The following MLST8 variants were observed in gnomAD, a reference collection of about 807,000 sequenced individuals.
MLST8 encodes target of rapamycin complex subunit LST8.
In MLST8, 20 loss-of-function variants were observed where a neutral mutation model predicts 41.3. The observed-to-expected ratio is 0.48, with a 90% CI of 0.34 to 0.70. The LOEUF (loss-of-function observed/expected upper bound fraction) is 0.70. MLST8 is among the 30% of genes least tolerant of loss of function. The pLI is 0.01. For synonymous variants in MLST8, 243 were observed against 183.0 expected (o/e 1.33, Z -2.65); for missense variants, 422 against 454.3 (o/e 0.93, Z 0.65).
At chr16:2,205,966 T>C (rs2141356710) in intron 1 of MLST8, 65 bp from the exon 2 acceptor site, 2 of 1,470,584 alleles carry the variant, frequency 1.4e-6, no homozygotes, top group Middle Eastern at 1.8e-4. Flanking sequence ...CGGCAGCGCC[T>C]TGTGGGTCTA....
At position 2,208,034 on chromosome 16, in the gene MLST8, T is replaced by G. The variant is rs953069153; in HGVS notation, c.574-176T>G. ...GTTCTTGGCTTGCCAGGTGTGGCCC[T>G]TGCTTGGGGCCAGGCTTCCCAGGTG... On this transcript the variant is annotated intron_variant, in intron 6 of 8. Coordinates refer to ENST00000569417, the MANE Select transcript of MLST8 (RefSeq NM_022372.6). 6.3e-6 allele frequency: 4 copies of G among 633,786 alleles called. No individual in the cohort carries two copies. In the Admixed American group the frequency reaches 1.1e-4, roughly 17 times the overall value. 39.3% of individuals were successfully genotyped at this position (633,786 alleles called of 1,614,324 possible).
Position 2,207,316 on chromosome 16 carries a change from G to A in MLST8, c.544G>A (p.Ala182Thr), listed in dbSNP as rs1298857265. 4.3e-6 allele frequency: 7 copies of A among 1,614,022 alleles called. No homozygotes were observed. The highest frequency in any genetic ancestry group is 1.3e-5 in the African/African-American group (1 of 74,942). Reference sequence around the variant, plus strand: ...CACGTCCGCCCACATCGATCCCGACGCCAGCTACATGGCAGCTGTCAATAG... The same window carrying A: ...CACGTCCGCCCACATCGATCCCGACACCAGCTACATGGCAGCTGTCAATAG... ...SITSAHIDPD[A>T]SYMAAVNSTG... The change falls in exon 6 of 9, where the codon GCC becomes ACC. Residue 182 changes from alanine (A) to threonine (T), a missense_variant. By Grantham distance (58) the Ala-to-Thr change is moderately conservative. Coordinates refer to ENST00000569417, the MANE Select transcript of MLST8 (RefSeq NM_022372.6).
rs2093352455 is a variant in MLST8 at position 2,208,876 on chromosome 16, A to G, written c.980A>G (p.Ter327TrpextTer?). Reference sequence around the variant, plus strand: ...GCCTTCAATGACAGTGTGCTGGGCTAGCCTGTGACCCCTCGGGACTGCCTG... The same window carrying G: ...GCCTTCAATGACAGTGTGCTGGGCTGGCCTGTGACCCCTCGGGACTGCCTG... ...CLAFNDSVLG* is the reference protein window; with the variant it reads ...CLAFNDSVLGW The change falls in exon 9 of 9, where the codon TAG (stop) becomes TGG (tryptophan). Residue 327 changes from the stop codon to tryptophan, a stop_lost. Coordinates refer to ENST00000569417, the MANE Select transcript of MLST8 (RefSeq NM_022372.6). 2 of 1,613,104 alleles carry G rather than the reference A, an allele frequency of 1.2e-6. No homozygotes were observed.
chr16:2,206,263 G>A (rs779614079), intron 2 of MLST8, 49 bp downstream of exon 2: 7 of 1,602,688 alleles, frequency 4.4e-6, no homozygotes, highest in Non-Finnish European at 6.0e-6. Context: ...GATGCCTCGT[G>A]TGGGGACCAC....
chr16:2,208,782 C>T lies in MLST8; in HGVS notation c.886C>T (p.Leu296Phe). ...VTASSDNLARLWCVETGEIKR... is the reference protein window; with the variant it reads ...VTASSDNLARFWCVETGEIKR... Reference sequence around the variant, plus strand: ...AGCTTCCTCGGACAACCTGGCCCGGCTCTGGTGTGTGGAGACTGGAGAGAT... The same window carrying T: ...AGCTTCCTCGGACAACCTGGCCCGGTTCTGGTGTGTGGAGACTGGAGAGAT... The change falls in exon 9 of 9, where the codon CTC (leucine) becomes TTC (phenylalanine). Residue 296 changes from leucine (L) to phenylalanine (F), a missense_variant. Physicochemically the swap from Leu to Phe is conservative, Grantham distance 22 (BLOSUM62 0). Transcript: ENST00000569417. 6.2e-7 allele frequency: 1 copy of T among 1,614,028 alleles called. No homozygotes were observed. Among genetic ancestry groups the T allele is most frequent in the Non-Finnish European group, 8.5e-7 (1 of 1,179,924 alleles).
chr16:2,208,147 A>G lies in MLST8; in HGVS notation c.574-63A>G. On this transcript the variant is annotated intron_variant, in intron 6 of 8. Coordinates refer to ENST00000569417, the MANE Select transcript of MLST8 (RefSeq NM_022372.6). ...GGCCCCCAGTGTTGGCCCCCAGGGC[A>G]TCCTTCCCTGTGTCTCAGACCTGAG... 3.3e-6 allele frequency: 5 copies of G among 1,533,020 alleles called. No individual in the cohort carries two copies. The South Asian group carries it at 6.2e-5, about 19-fold the overall frequency. The allele number at this position is 1,533,020 out of a possible 1,614,324, so 95.0% of individuals were successfully genotyped here.
intron 6 of MLST8, chr16:2,207,646 T>C (rs2093319982): frequency 2.3e-6 from 1 of 437,634 alleles, no homozygotes; most frequent in East Asian, 4.4e-5. Flanking sequence ...TGACACACTC[T>C]CTGAGGCTTC....
chr16:2,205,639 A>G (rs2093265567), intron 1 of MLST8, 127 bp downstream of exon 1: 1 of 980,622 alleles, frequency 1.0e-6, no homozygotes, highest in Non-Finnish European at 1.2e-6. Flanking sequence ...TCGGGGGTCC[A>G]GCCAGACTGC....
At position 2,209,300 on chromosome 16, in the gene MLST8, G is replaced by A. The variant is rs923755913; in HGVS notation, c.*423G>A. On this transcript the variant is annotated 3_prime_UTR_variant, in exon 9 of 9. Transcript: ENST00000569417. Reference sequence around the variant, plus strand: ...TCCCTGCCAGCAGCTGTCCTCCCTGGTGCAGGTGGCCTGGCCAGCCCACTG... The same window carrying A: ...TCCCTGCCAGCAGCTGTCCTCCCTGATGCAGGTGGCCTGGCCAGCCCACTG... The A allele has an allele frequency of 6.9e-7, 1 of 1,445,066 alleles. No individual in the cohort carries two copies. The highest frequency in any genetic ancestry group is 2.3e-5 in the East Asian group (1 of 43,748). The allele number at this position is 1,445,066 out of a possible 1,614,324, so 89.5% of individuals were successfully genotyped here.
intron 4 of MLST8, 178 bp from the exon 5 acceptor site, chr16:2,206,843 GCCAGCTTGTTATTC>G: frequency 9.8e-7 from 1 of 1,022,320 alleles, no homozygotes; most frequent in Non-Finnish European, 1.5e-6. Context: ...TGAGCCCGGA[GCCAGCTTGTTATTC>G]CCCTTCCACC....
chr16:2,208,392 G>A (rs2093339840), intron 7 of MLST8, 58 bp downstream of exon 7: 1 of 1,607,986 alleles, frequency 6.2e-7, no homozygotes, highest in Non-Finnish European at 8.5e-7. Flanking sequence ...GGCTGGAGAG[G>A]GGAGGGGCTG....
chr16:2,208,489 C>T lies in MLST8; in HGVS notation c.738C>T (p.Ile246=), dbSNP rs200080198. ...GCTCGGCTGATCAGACGTGCAAGAT[C>T]TGGAGGACGTCCAACTTCTCCCTGA... ...ATCSADQTCK[I]WRTSNFSLMT... is the part of the protein sequence containing the mutation. Residue 246 remains isoleucine (I), a synonymous_variant, in exon 8 of 9, where the codon ATC becomes ATT. Coordinates refer to ENST00000569417, the MANE Select transcript of MLST8 (RefSeq NM_022372.6). 518 of 1,613,248 alleles carry T rather than the reference C, an allele frequency of 3.2e-4. 1 individual carries two copies. The highest frequency in any genetic ancestry group is 4.0e-4 in the Non-Finnish European group (472 of 1,179,938).
At chr16:2,205,793 G>C in intron 1 of MLST8, 2 of 1,067,868 alleles carry the variant, frequency 1.9e-6, no homozygotes, top group Non-Finnish European at 2.3e-6. Flanking sequence ...CCCCCTGCCG[G>C]CTGCGGAGGT....
rs2093283907 is a variant in MLST8, at chr16:2,206,209, G to C, written c.124G>C (p.Asp42His). 1.2e-6 allele frequency: 2 copies of C among 1,607,608 alleles called. No individual in the cohort carries two copies. Among genetic ancestry groups the C allele is most frequent in the African/African-American group, 1.3e-5 (1 of 74,870 alleles). ...GICTRTVQHQ[D>H]SQVNALEVTP... ...CTGCACCCGGACGGTGCAGCACCAG[G>C]ACTCCGTATCCTCCACCCGGGGCGG... Residue 42 changes from aspartate (D) to histidine (H), a missense_variant, in exon 2 of 9, where the codon GAC (aspartate) becomes CAC (histidine). By Grantham distance (81) the Asp-to-His change is moderately conservative. Transcript: ENST00000569417.
intron 6 of MLST8, 72 bp downstream of exon 6, chr16:2,207,417 T>G (rs2093313580): frequency 6.5e-7 from 1 of 1,549,442 alleles, no homozygotes; most frequent in East Asian, 2.3e-5. Context: ...GGTGGGCTTA[T>G]TCCTGGATGT....
rs555760206 is a variant in MLST8, at chr16:2,209,054, A to T, written c.*177A>T. On this transcript the variant is annotated 3_prime_UTR_variant, in exon 9 of 9. Transcript: ENST00000569417. ...TGGGACTCTCAGCCCCCAGTTGCTT[A>T]TCCAGATGTGACAGAGCTCGACCCA... 24 of 711,712 alleles carry T rather than the reference A, an allele frequency of 3.4e-5. No individual in the cohort carries two copies. In the Admixed American group the frequency reaches 5.5e-4, roughly 16 times the overall value. 44.1% of individuals were successfully genotyped at this position (711,712 alleles called of 1,614,324 possible). A position where few individuals can be genotyped will look rare whatever the true frequency, so the allele number is the denominator to read the frequency against.
Position 2,206,668 on chromosome 16 carries a change from G to T in MLST8, c.344+9G>T. The T allele has an allele frequency of 6.2e-7, 1 of 1,611,918 alleles. No homozygotes were observed. The highest frequency in any genetic ancestry group is 1.1e-5 in the South Asian group (1 of 91,060). On this transcript the variant is annotated intron_variant, in intron 4 of 8. Transcript: ENST00000569417. ...AGGATCTGGGACCTCAGGTGCGGTG[G>T]GGAGGGGGCGTGCTGCCCGGGGCTG... is the stretch of plus-strand genomic sequence containing the variant.
At position 2,208,788 on chromosome 16, in the gene MLST8, T is replaced by G; in HGVS notation, c.892T>G (p.Cys298Gly). The change falls in exon 9 of 9, where the codon TGT becomes GGT. Residue 298 changes from cysteine to glycine, a missense_variant. By Grantham distance (159) the Cys-to-Gly change is radical (BLOSUM62 -3). Transcript: ENST00000569417. The part of the protein sequence containing the change: ...ASSDNLARLW[C>G]VETGEIKREY... ...CTCGGACAACCTGGCCCGGCTCTGG[T>G]GTGTGGAGACTGGAGAGATCAAGAG... 1 of 1,613,936 alleles carries G rather than the reference T, an allele frequency of 6.2e-7. No homozygotes were observed. Among genetic ancestry groups the G allele is most frequent in the Non-Finnish European group, 8.5e-7 (1 of 1,179,908 alleles).
Position 2,207,572 on chromosome 16 carries a change from A to T in MLST8, c.573+227A>T, listed in dbSNP as rs1308696064. 2.8e-5 allele frequency: 16 copies of T among 567,406 alleles called. No homozygotes were observed. In the Admixed American group the frequency reaches 5.1e-4, roughly 18 times the overall value. 35.1% of individuals were successfully genotyped at this position (567,406 alleles called of 1,614,324 possible). A position where few individuals can be genotyped will look rare whatever the true frequency, so the allele number is the denominator to read the frequency against. On this transcript the variant is annotated intron_variant, in intron 6 of 8. Coordinates refer to ENST00000569417, the MANE Select transcript of MLST8 (RefSeq NM_022372.6). ...GCTTTCTGGAGTCTCTCCCAAGTCG[A>T]TCCACTTCCCTCTTTTCACTCTGTT...
Sources: allele counts gnomAD v4.1 joint callset, GRCh38; gene constraint gnomAD v4.1.1; transcripts MANE v1.5; gene names NCBI Gene and HGNC (gene_info 2026-07-23, HGNC 2026-07-21).